Variants in PCTP observed in about 807,000 individuals in gnomAD.
The protein encoded by PCTP is START domain-containing protein 2.
Under a neutral mutation model 31.0 loss-of-function variants are expected in PCTP, and 27 were observed. The ratio of observed to expected loss-of-function variants is 0.87; its 90% confidence interval spans 0.64 to 1.20. The LOEUF (loss-of-function observed/expected upper bound fraction) is 1.20, where lower values mean the gene tolerates loss of function less well. Among genes scored for constraint, PCTP ranks in the 50% most tolerant of loss-of-function variants. The pLI, the probability that PCTP is intolerant of heterozygous loss-of-function variation, is 0.00. For synonymous variants in PCTP, 108 were observed against 101.2 expected, an observed-to-expected ratio of 1.07 and a Z score of -0.40; for missense variants, 287 against 268.2, an observed-to-expected ratio of 1.07 and a Z score of -0.49.
chr17:55,759,047 T>C (rs994487622), intron 1 of PCTP, among the ~76,000 whole-genome samples: 1 of 152,214 alleles, frequency 6.6e-6, no homozygotes, highest in African/African-American at 2.4e-5. Flanking sequence ...GGGAAGGGTA[T>C]AGGCATTCTG....
intron 2 of PCTP, among the ~76,000 whole-genome samples, chr17:55,767,713 C>T (rs1051601202): frequency 3.4e-5 from 5 of 148,882 alleles, no homozygotes; most frequent in Admixed American, 2.7e-4. Flanking sequence ...GATCCGCTTG[C>T]CTTGGCCTCC....
intron 2 of PCTP, among the ~76,000 whole-genome samples, chr17:55,784,232 G>A (rs1048293487): frequency 2.0e-5 from 3 of 152,182 alleles, no homozygotes; most frequent in African/African-American, 7.2e-5. Context: ...TAACTAGGGA[G>A]AAGGAATTGG....
At chr17:55,815,855 T>C (rs1912898370) in intron 3 of PCTP, among the ~76,000 whole-genome samples, 1 of 152,214 alleles carries the variant, frequency 6.6e-6, no homozygotes, top group African/African-American at 2.4e-5. Context: ...GCTGTCTTTC[T>C]GCTCCTACCC....
At chr17:55,814,392 A>G (rs960035893) in intron 3 of PCTP, among the ~76,000 whole-genome samples, 3 of 152,238 alleles carry the variant, frequency 2.0e-5, no homozygotes, top group African/African-American at 7.2e-5. Context: ...AGGTGAAAAA[A>G]TGCACTAACC....
downstream of PCTP, among the ~76,000 whole-genome samples, chr17:55,779,901 C>G (rs1417187932): frequency 6.6e-6 from 1 of 152,170 alleles, no homozygotes; most frequent in Non-Finnish European, 1.5e-5. Context: ...TGCACATCCC[C>G]TCTGTCTCTA....
Position 55,776,309 on chromosome 17 carries a change from A to C in PCTP, c.*209A>C. On this transcript the variant is annotated 3_prime_UTR_variant, in exon 6 of 6. Transcript: ENST00000268896. ...AGCATGTTTGCCTGACATCCAGCTC[A>C]CTCGTCTGCTTCCTTTCTCGCTCCC... 1 of 1,358,386 alleles carries C rather than the reference A, an allele frequency of 7.4e-7. No homozygotes were observed. Among genetic ancestry groups the C allele is most frequent in the East Asian group, 2.8e-5 (1 of 36,008 alleles). 84.1% of individuals were successfully genotyped at this position (1,358,386 alleles called of 1,614,324 possible). A position where few individuals can be genotyped will look rare whatever the true frequency, so the allele number is the denominator to read the frequency against.
At chr17:55,823,336 T>G (rs1303633778), downstream of PCTP, among the ~76,000 whole-genome samples, 2 of 152,220 alleles carry the variant, frequency 1.3e-5, no homozygotes, top group African/African-American at 4.8e-5. Context: ...GTCTTACCAT[T>G]GACAGAATAT....
chr17:55,840,530 T>C (rs1324875007), intron 5 of PCTP, among the ~76,000 whole-genome samples: 2 of 152,248 alleles, frequency 1.3e-5, no homozygotes, highest in Admixed American at 1.3e-4. Context: ...GTGATTTTGT[T>C]TTCCATGGTT....
At chr17:55,838,997 A>C (rs576610904) in intron 5 of PCTP, among the ~76,000 whole-genome samples, 4 of 152,324 alleles carry the variant, frequency 2.6e-5, no homozygotes, top group South Asian at 2.1e-4. Flanking sequence ...CATGGTTAAC[A>C]AAACCAAACC....
chr17:55,791,406 T>C (rs1168512265), intron 3 of PCTP, among the ~76,000 whole-genome samples: 79 of 146,276 alleles, frequency 5.4e-4, no homozygotes, highest in Non-Finnish European at 1.0e-3. Flanking sequence ...AACCTACTCA[T>C]CTGACAAAGG....
chr17:55,759,557 T>C (rs1305188132), intron 1 of PCTP, among the ~76,000 whole-genome samples: 3 of 152,214 alleles, frequency 2.0e-5, no homozygotes, highest in African/African-American at 7.2e-5. Context: ...CCAAAGTGGA[T>C]GGACTTGGAC....
chr17:55,837,411 T>C (rs1905814620), intron 5 of PCTP, among the ~76,000 whole-genome samples: 2 of 152,190 alleles, frequency 1.3e-5, no homozygotes, highest in Non-Finnish European at 2.9e-5. Context: ...CTTCCTTTCT[T>C]GGGTACCTAT....
At chr17:55,804,364 G>T (rs1039339747) in intron 3 of PCTP, among the ~76,000 whole-genome samples, 1 of 152,140 alleles carries the variant, frequency 6.6e-6, no homozygotes, top group Non-Finnish European at 1.5e-5. Flanking sequence ...CCATTACTGG[G>T]TATATGCCCA....
chr17:55,791,704 G>A (rs1417498504), intron 3 of PCTP, among the ~76,000 whole-genome samples: 2 of 152,114 alleles, frequency 1.3e-5, no homozygotes, highest in Admixed American at 6.6e-5. Context: ...TTACACTGTT[G>A]GTGGGATTGT....
At chr17:55,766,494 G>A (rs1002809755) in intron 1 of PCTP, among the ~76,000 whole-genome samples, 1 of 141,972 alleles carries the variant, frequency 7.0e-6, no homozygotes, top group Admixed American at 7.8e-5. Context: ...TCCCACCTAT[G>A]AGTGAGAATA....
At chr17:55,819,885 T>G (rs1448684271) in intron 3 of PCTP, among the ~76,000 whole-genome samples, 2 of 152,188 alleles carry the variant, frequency 1.3e-5, no homozygotes, top group Admixed American at 1.3e-4. Context: ...ATAAATTGAT[T>G]TTCCATGAAG....
intron 5 of PCTP, among the ~76,000 whole-genome samples, chr17:55,841,075 G>A (rs140614005): frequency 1.3e-3 from 193 of 152,304 alleles, no homozygotes; most frequent in African/African-American, 4.2e-3. Context: ...TAATTGATAC[G>A]TATGTGTATG....
At chr17:55,771,069 G>C (rs762631659) in intron 2 of PCTP, 37 bp from the exon 3 acceptor site, 16 of 1,517,176 alleles carry the variant, frequency 1.1e-5, no homozygotes, top group Non-Finnish European at 1.5e-5. Context: ...AGCTAAAAAG[G>C]CTTCCAGATG....
chr17:55,751,294 C>T, intron 1 of PCTP, 50 bp downstream of exon 1: 1 of 1,517,178 alleles, frequency 6.6e-7, no homozygotes, highest in African/African-American at 1.4e-5. Context: ...GCGCCGGGGT[C>T]GACCTCCCCG....
Sources: allele counts gnomAD v4.1 joint callset (sites outside exome capture counted in the v4.1 genomes callset), GRCh38; gene constraint gnomAD v4.1.1; transcripts MANE v1.5; gene names NCBI Gene and HGNC (gene_info 2026-07-23, HGNC 2026-07-21).